SIK3: variants seen among roughly 807,000 people sequenced by gnomAD.
SIK3 encodes serine/threonine-protein kinase SIK3.
In SIK3, 28 loss-of-function variants were observed where a neutral mutation model predicts 144.2. The observed-to-expected ratio is 0.19, with a 90% CI of 0.14 to 0.27. SIK3 has a LOEUF of 0.27. Ranked by LOEUF, SIK3 falls within the 10% of genes least tolerant of loss-of-function variation. The pLI, the probability that SIK3 is intolerant of heterozygous loss-of-function variation, is 1.00. For missense variants in SIK3, 1,319 were observed against 1,776.0 expected (o/e 0.74, Z 4.62); for synonymous variants, 686 against 676.3 (o/e 1.01, Z -0.22).
intron 3 of SIK3, among the ~76,000 whole-genome samples, chr11:116,932,254 G>C (rs1387137435): frequency 6.6e-6 from 1 of 152,178 alleles, no homozygotes; most frequent in East Asian, 1.9e-4. Flanking sequence ...AGCCAAGGTA[G>C]TAATCTTTTT....
At chr11:116,982,903 C>A (rs1466886849) in intron 1 of SIK3, among the ~76,000 whole-genome samples, 1 of 133,766 alleles carries the variant, frequency 7.5e-6, no homozygotes, top group Non-Finnish European at 1.5e-5. Flanking sequence ...CAGATCACAC[C>A]ACTGCACTCC....
intron 1 of SIK3, among the ~76,000 whole-genome samples, chr11:117,044,720 A>G (rs1304794372): frequency 6.6e-6 from 1 of 152,156 alleles, no homozygotes; most frequent in African/African-American, 2.4e-5. Context: ...GTCTTTATAA[A>G]AAGTAAAAAA....
At chr11:117,027,762 C>T (rs540124174) in intron 1 of SIK3, among the ~76,000 whole-genome samples, 34 of 151,890 alleles carry the variant, frequency 2.2e-4, no homozygotes, top group African/African-American at 7.2e-4. Context: ...CCACTGTGCC[C>T]GGCCCAGGGA....
At chr11:117,061,845 C>T (rs11216257) in intron 1 of SIK3, among the ~76,000 whole-genome samples, 114,745 of 151,986 alleles carry the variant, frequency 0.75, 44,037 homozygotes, top group Non-Finnish European at 0.83. Flanking sequence ...GCTGATGATA[C>T]GTTACAAAAA....
chr11:117,030,676 A>C (rs1298909321), intron 1 of SIK3, among the ~76,000 whole-genome samples: 1 of 152,096 alleles, frequency 6.6e-6, no homozygotes, highest in Non-Finnish European at 1.5e-5. Context: ...TTCCTTTAAA[A>C]CAATTTGTTT....
In SIK3 at chr11:116,845,386, A is replaced by G. The variant is rs907414075; in HGVS notation, c.*257T>C. On this transcript the variant is annotated 3_prime_UTR_variant, in exon 25 of 25. Transcript: ENST00000445177. ...AAAACAAAAAACCACCAACTCAAAT[A>G]TACTTTCACAAAAGATGGAGAACAT... 3.3e-5 allele frequency: 5 copies of G among 152,276 alleles called. No individual in the cohort carries two copies. Among genetic ancestry groups the G allele is most frequent in the Non-Finnish European group, 5.9e-5 (4 of 68,050 alleles). The allele number at this position is 152,276 out of a possible 1,614,324, so 9.4% of individuals were successfully genotyped here.
chr11:117,012,582 C>A (rs1038684526), intron 1 of SIK3, among the ~76,000 whole-genome samples: 1 of 152,202 alleles, frequency 6.6e-6, no homozygotes, highest in African/African-American at 2.4e-5. Context: ...CTTGCTTACA[C>A]TGCTCTGTCC....
At chr11:117,085,570 G>C (rs768617314) in intron 1 of SIK3, among the ~76,000 whole-genome samples, 69 of 152,172 alleles carry the variant, frequency 4.5e-4, no homozygotes, top group Non-Finnish European at 5.0e-4. Context: ...AGGTATAAAT[G>C]CAAGATTGGT....
chr11:116,873,446 T>C, intron 13 of SIK3, 35 bp downstream of exon 13: 1 of 1,614,064 alleles, frequency 6.2e-7, no homozygotes. Flanking sequence ...CAAAAGCCTC[T>C]GAGACAGTGA....
chr11:116,917,587 T>C (rs1946715069), intron 4 of SIK3, among the ~76,000 whole-genome samples: 1 of 152,026 alleles, frequency 6.6e-6, no homozygotes, highest in South Asian at 2.1e-4. Context: ...AAAACACCTG[T>C]AGTCCCAGCT....
chr11:117,005,336 GAAA>G (rs35279676), intron 1 of SIK3, among the ~76,000 whole-genome samples: 67 of 55,974 alleles, frequency 1.2e-3, no homozygotes, highest in African/African-American at 3.2e-3. Context: ...CCCCGTCTCA[GAAA>G]AAAAAAAAAA....
At chr11:116,997,655 G>A (rs10892055) in intron 1 of SIK3, among the ~76,000 whole-genome samples, 48,004 of 152,032 alleles carry the variant, frequency 0.32, 8,646 homozygotes, top group African/African-American at 0.5. Context: ...GATTAGGAAG[G>A]TGATATTCTG....
intron 1 of SIK3, among the ~76,000 whole-genome samples, chr11:117,067,512 TGGA>T (rs1414954802): frequency 1.3e-5 from 2 of 151,958 alleles, no homozygotes; most frequent in African/African-American, 4.8e-5. Context: ...TTTCTGGAAG[TGGA>T]GGAGGATGAG....
Position 116,843,730 on chromosome 11 carries a change from G to A in SIK3, c.*1913C>T, listed in dbSNP as rs1941707998. ...GGTAGGGCAGGTTGGGGGCATAAGA[G>A]TTGGAACAAGCGCAGATAAGTCAAC... On this transcript the variant is annotated 3_prime_UTR_variant, in exon 25 of 25. Coordinates refer to ENST00000445177, the MANE Select transcript of SIK3 (RefSeq NM_001366686.3). 1 of 152,270 alleles carries A rather than the reference G, an allele frequency of 6.6e-6. No individual in the cohort carries two copies. The highest frequency in any genetic ancestry group is 2.4e-5 in the African/African-American group (1 of 41,460). 9.4% of individuals were successfully genotyped at this position (152,270 alleles called of 1,614,324 possible).
chr11:116,855,777 A>G (rs1448494946), intron 21 of SIK3: 1 of 152,262 alleles, frequency 6.6e-6, no homozygotes, highest in Non-Finnish European at 1.5e-5. Flanking sequence ...CTTTGGGGAC[A>G]AGTTACTTAA....
rs529892693 is a variant in SIK3 at position 116,907,753 on chromosome 11, C to A, written c.617-10436G>T. Among the ~76,000 whole-genome samples, 279 of 152,242 alleles carry A rather than the reference C, an allele frequency of 1.8e-3. 1 individual carries two copies. Among genetic ancestry groups the A allele is most frequent in the African/African-American group, 6.5e-3 (272 of 41,546 alleles). ...CTGCTTATGTTAATTCCCAAAGACA[C>A]ATAATGCTTCAGGAATACTGCGTCA... On this transcript the variant is annotated intron_variant, in intron 4 of 24. Coordinates refer to ENST00000445177, the MANE Select transcript of SIK3 (RefSeq NM_001366686.3).
intron 6 of SIK3, among the ~76,000 whole-genome samples, chr11:116,882,598 GC>G (rs1406834660): frequency 5.9e-5 from 9 of 152,272 alleles, no homozygotes; most frequent in African/African-American, 2.2e-4. Context: ...ACATAAAGCT[GC>G]TTTGAGCTGG....
chr11:116,881,067 T>C (rs1944519165), intron 6 of SIK3, among the ~76,000 whole-genome samples: 1 of 151,966 alleles, frequency 6.6e-6, no homozygotes, highest in African/African-American at 2.4e-5. Flanking sequence ...GAGCTTGCAG[T>C]GAGCCGAGAT....
chr11:117,019,759 G>A (rs1208591805), intron 1 of SIK3, among the ~76,000 whole-genome samples: 7 of 151,954 alleles, frequency 4.6e-5, no homozygotes, highest in Non-Finnish European at 7.4e-5. Context: ...GACTACAGGC[G>A]CGTGCCACCA....
Sources: allele counts gnomAD v4.1 joint callset (sites outside exome capture counted in the v4.1 genomes callset), GRCh38; gene constraint gnomAD v4.1.1; transcripts MANE v1.5; gene names NCBI Gene and HGNC (gene_info 2026-07-23, HGNC 2026-07-21).